The following PTPRZ1 variants were observed in gnomAD, a reference collection of about 807,000 sequenced individuals.
PTPRZ1 encodes receptor-type tyrosine-protein phosphatase zeta.
PTPRZ1 carries 82 observed loss-of-function variants against 214.1 expected under a neutral mutation model. The observed-to-expected ratio is 0.38, with a 90% CI of 0.32 to 0.46. PTPRZ1 has a LOEUF of 0.46. PTPRZ1 is among the 20% of genes least tolerant of loss of function. The pLI is 1.00. For missense variants in PTPRZ1, 2,603 were observed against 2,748.7 expected, an observed-to-expected ratio of 0.95 and a Z score of 1.19; for synonymous variants, 945 against 987.9, an observed-to-expected ratio of 0.96 and a Z score of 0.81.
chr7:122,054,829 A>G, intron 26 of PTPRZ1, 112 bp from the exon 27 acceptor site: 1 of 1,078,114 alleles, frequency 9.3e-7, no homozygotes, highest in South Asian at 1.8e-5. Context: ...TTCAGATTCA[A>G]AGAAAAATTG....
chr7:121,924,852 A>T (rs987516032), intron 1 of PTPRZ1, among the ~76,000 whole-genome samples: 2 of 152,196 alleles, frequency 1.3e-5, no homozygotes, highest in Non-Finnish European at 2.9e-5. Context: ...TTCAGAGAAA[A>T]TTTCAATTGA....
intron 8 of PTPRZ1, among the ~76,000 whole-genome samples, chr7:121,985,793 G>A (rs150630982): frequency 1.3e-5 from 2 of 152,328 alleles, no homozygotes; most frequent in African/African-American, 2.4e-5. Context: ...GAGGTTGTAC[G>A]ATGTGCTCAG....
chr7:122,010,607 C>A lies in PTPRZ1; in HGVS notation c.1561C>A (p.Gln521Lys). The change falls in exon 12 of 30, where the codon CAG (glutamine) becomes AAG (lysine). Residue 521 changes from glutamine (Q) to lysine (K), a missense_variant. Gln to Lys is a moderately conservative substitution (Grantham distance 53). Transcript: ENST00000393386. Reference protein sequence around the residue: ...ATEKDISLTSQTVTELPPHTV... With the variant: ...ATEKDISLTSKTVTELPPHTV... ...AGAAAAAGATATTTCCTTGACTTCT[C>A]AGACTGTGACTGAACTGCCACCTCA... is the stretch of plus-strand genomic sequence containing the variant. The A allele has an allele frequency of 1.2e-6, 2 of 1,613,690 alleles. No homozygotes were observed. Among genetic ancestry groups the A allele is most frequent in the Non-Finnish European group, 1.7e-6 (2 of 1,179,586 alleles).
At chr7:121,933,282 A>G (rs1455659911) in intron 2 of PTPRZ1, among the ~76,000 whole-genome samples, 1 of 152,102 alleles carries the variant, frequency 6.6e-6, no homozygotes, top group Non-Finnish European at 1.5e-5. Flanking sequence ...TTGCAACCTC[A>G]AGCAATGATA....
intron 1 of PTPRZ1, among the ~76,000 whole-genome samples, chr7:121,889,366 T>C (rs1794509370): frequency 6.6e-6 from 1 of 152,186 alleles, no homozygotes; most frequent in Non-Finnish European, 1.5e-5. Flanking sequence ...TAAATTACTT[T>C]GGAAGGACTT....
chr7:121,902,265 A>G (rs978237056), intron 1 of PTPRZ1, among the ~76,000 whole-genome samples: 2 of 152,192 alleles, frequency 1.3e-5, no homozygotes, highest in African/African-American at 2.4e-5. Flanking sequence ...GGACACTTAG[A>G]TTGATTCCAT....
intron 18 of PTPRZ1, among the ~76,000 whole-genome samples, chr7:122,036,998 C>T (rs1241679458): frequency 1.3e-5 from 2 of 149,138 alleles, no homozygotes; most frequent in African/African-American, 5.0e-5. Context: ...CAGGGCTGGG[C>T]GCGGTGGCTC....
intron 2 of PTPRZ1, among the ~76,000 whole-genome samples, chr7:121,965,183 G>A (rs1006833498): frequency 6.6e-6 from 1 of 152,144 alleles, no homozygotes; most frequent in African/African-American, 2.4e-5. Context: ...TGTGGGTCAG[G>A]AGCTGAGGAG....
At chr7:121,889,122 TA>T (rs1251936883) in intron 1 of PTPRZ1, among the ~76,000 whole-genome samples, 2 of 113,838 alleles carry the variant, frequency 1.8e-5, no homozygotes, top group Non-Finnish European at 3.6e-5. Flanking sequence ...CTTTATTTTT[TA>T]AAAAAAGTAT....
chr7:121,965,710 A>C lies in PTPRZ1; in HGVS notation c.125-2241A>C, dbSNP rs968577669. 5.3e-5 allele frequency among the ~76,000 whole-genome samples: 8 copies of C among 152,176 alleles called. No individual in the cohort carries two copies. In the East Asian group the frequency reaches 1.5e-3, roughly 29 times the overall value. On this transcript the variant is annotated intron_variant, in intron 2 of 29. Coordinates refer to ENST00000393386, the MANE Select transcript of PTPRZ1 (RefSeq NM_002851.3). ...GGAGGGAATTGTACAGGATGATTAC[A>C]TCATAGGGTGGAAATTTTGGGAGCC...
chr7:121,910,752 G>A (rs1239014999), intron 1 of PTPRZ1, among the ~76,000 whole-genome samples: 4 of 152,032 alleles, frequency 2.6e-5, no homozygotes, highest in East Asian at 1.9e-4. Flanking sequence ...GTAGAGGCAC[G>A]ATAAATGGAG....
At position 122,017,538 on chromosome 7, in the gene PTPRZ1, C is replaced by CATTTATTTATTTATTTATTT. The variant is rs3069214; in HGVS notation, c.4844-1565_4844-1546dup. Among the ~76,000 whole-genome samples, 293 of 140,160 alleles carry CATTTATTTATTTATTTATTT rather than the reference C, an allele frequency of 2.1e-3. 2 individuals carry two copies. Among genetic ancestry groups the CATTTATTTATTTATTTATTT allele is most frequent in the African/African-American group, 4.5e-3 (168 of 37,172 alleles). 92.0% of individuals were successfully genotyped at this position (140,160 alleles called of 152,430 possible). ...CCATTTATATTCCTGTGATACATTA[C>CATTTATTTATTTATTTATTT]ATTTATTTATTTATTTATTTATTTA... On this transcript the variant is annotated intron_variant, in intron 12 of 29. Transcript: ENST00000393386.
chr7:122,014,079 A>T (rs761201463), intron 12 of PTPRZ1, among the ~76,000 whole-genome samples, 190 bp downstream of exon 12: 1 of 152,200 alleles, frequency 6.6e-6, no homozygotes, highest in Non-Finnish European at 1.5e-5. Context: ...ATTATTTAAC[A>T]CATTTTGGTT....
At chr7:121,987,731 T>C (rs1459921431) in intron 8 of PTPRZ1, among the ~76,000 whole-genome samples, 1 of 152,240 alleles carries the variant, frequency 6.6e-6, no homozygotes, top group African/African-American at 2.4e-5. Flanking sequence ...TATGCACTTA[T>C]ATGTTCATTG....
chr7:121,961,851 G>A (rs559521178), intron 2 of PTPRZ1, among the ~76,000 whole-genome samples: 9 of 152,310 alleles, frequency 5.9e-5, no homozygotes, highest in South Asian at 4.1e-4. Context: ...ACTAATTCAG[G>A]TAAGTCAATG....
intron 13 of PTPRZ1, among the ~76,000 whole-genome samples, chr7:122,019,974 A>G (rs75250949): frequency 3.3e-5 from 5 of 152,196 alleles, no homozygotes; most frequent in Non-Finnish European, 7.4e-5. Context: ...TAGAAAACAA[A>G]GGCTTTATGA....
chr7:121,930,980 G>T (rs1177232492), intron 2 of PTPRZ1, among the ~76,000 whole-genome samples: 2 of 152,092 alleles, frequency 1.3e-5, no homozygotes, highest in Non-Finnish European at 2.9e-5. Flanking sequence ...ATATCTGCCA[G>T]TGTCACCATC....
intron 1 of PTPRZ1, among the ~76,000 whole-genome samples, chr7:121,927,897 A>C (rs1795811229): frequency 6.6e-6 from 1 of 152,182 alleles, no homozygotes; most frequent in South Asian, 2.1e-4. Flanking sequence ...CTGCTCTTTC[A>C]TTACCTAAAT....
intron 8 of PTPRZ1, among the ~76,000 whole-genome samples, chr7:121,993,686 AT>A (rs1343077308): frequency 2.0e-5 from 3 of 152,006 alleles, no homozygotes; most frequent in Non-Finnish European, 4.4e-5. Flanking sequence ...CACTTCTTCT[AT>A]GGTCATTCCA....
Sources: allele counts gnomAD v4.1 joint callset (sites outside exome capture counted in the v4.1 genomes callset), GRCh38; gene constraint gnomAD v4.1.1; transcripts MANE v1.5; gene names NCBI Gene and HGNC (gene_info 2026-07-23, HGNC 2026-07-21).